The following CDKN2B-AS1 variants were observed in gnomAD, a reference collection of about 807,000 sequenced individuals.
CDKN2B-AS1 encodes CDKN2B antisense RNA 1 (non-protein coding).
At chr9:22,056,816 T>C (rs1031676572) in intron 4 of CDKN2B-AS1, among the ~76,000 whole-genome samples, 2 of 152,220 alleles carry the variant, frequency 1.3e-5, no homozygotes, top group Admixed American at 1.3e-4. Flanking sequence ...CCGGATTGTA[T>C]ATAAAACTGT....
At chr9:22,121,659 T>C (rs1477747748) in intron 4 of CDKN2B-AS1, among the ~76,000 whole-genome samples, 1 of 152,094 alleles carries the variant, frequency 6.6e-6, no homozygotes, top group South Asian at 2.1e-4. Flanking sequence ...CGGTGTTTAG[T>C]AGGAAATTTC....
At chr9:22,040,955 C>T (rs1421273914) in intron 1 of CDKN2B-AS1, among the ~76,000 whole-genome samples, 1 of 151,994 alleles carries the variant, frequency 6.6e-6, no homozygotes. Context: ...TTTCTCATCT[C>T]AACCCAGCAT....
At chr9:22,007,682 C>T (rs1030210194) in intron 1 of CDKN2B-AS1, among the ~76,000 whole-genome samples, 1 of 151,790 alleles carries the variant, frequency 6.6e-6, no homozygotes, top group Non-Finnish European at 1.5e-5. Flanking sequence ...TCTTAAAAAC[C>T]GTGATAAGTT....
At chr9:22,012,189 C>T in intron 1 of CDKN2B-AS1, 2 of 1,391,878 alleles carry the variant, frequency 1.4e-6, no homozygotes, top group South Asian at 2.3e-5. Context: ...ACGGGCAAGA[C>T]CATCACCCTT....
At chr9:22,121,100 G>T (rs1381914525) in intron 4 of CDKN2B-AS1, 1 of 151,934 alleles carries the variant, frequency 6.6e-6, no homozygotes, top group Non-Finnish European at 1.5e-5. Context: ...AATAAAAACA[G>T]CTCTCTTTTC....
At chr9:22,082,126 A>G (rs1298894338) in intron 4 of CDKN2B-AS1, among the ~76,000 whole-genome samples, 1 of 152,190 alleles carries the variant, frequency 6.6e-6, no homozygotes, top group African/African-American at 2.4e-5. Context: ...ATTTTAATTC[A>G]CAAGATTAAT....
At chr9:22,010,652 C>T (rs969565950) in intron 1 of CDKN2B-AS1, among the ~76,000 whole-genome samples, 1 of 152,154 alleles carries the variant, frequency 6.6e-6, no homozygotes, top group African/African-American at 2.4e-5. Flanking sequence ...CTGACAGAGC[C>T]TCAACAGAGC....
chr9:22,125,462 A>G (rs1388560088), intron 4 of CDKN2B-AS1, among the ~76,000 whole-genome samples: 1 of 152,176 alleles, frequency 6.6e-6, no homozygotes, highest in African/African-American at 2.4e-5. Context: ...TATGGTCACT[A>G]CCCTACTGTC....
Position 22,005,305 on chromosome 9 carries a change from T to G in CDKN2B-AS1, n.29+10144T>G. ...GCTCTGCAGCGTCGTGATCCAGGGA[T>G]TTTAGCATCTGTCGTCGCTTGCACA... is the stretch of plus-strand genomic sequence containing the variant. On this transcript the variant is annotated intron_variant and non_coding_transcript_variant, in intron 1 of 4. Transcript: ENST00000650946. This position sits in a 1 kb window ranked among gnomAD's most constrained non-coding sequence, Gnocchi z 4.9. The G allele has an allele frequency of 4.2e-6, 1 of 237,722 alleles. No homozygotes were observed. The highest frequency in any genetic ancestry group is 8.3e-6 in the Non-Finnish European group (1 of 120,864). 14.7% of individuals were successfully genotyped at this position (237,722 alleles called of 1,614,324 possible).
chr9:22,051,199 G>T (rs1364322226), intron 3 of CDKN2B-AS1, among the ~76,000 whole-genome samples: 2 of 152,118 alleles, frequency 1.3e-5, no homozygotes, highest in African/African-American at 4.8e-5. Flanking sequence ...AGCTGAAAAT[G>T]AAAGAGACAT....
At chr9:22,122,610 A>G (rs756866891) in intron 4 of CDKN2B-AS1, among the ~76,000 whole-genome samples, 2 of 152,176 alleles carry the variant, frequency 1.3e-5, no homozygotes, top group African/African-American at 4.8e-5. Context: ...ATTCTTCTGC[A>G]TATAGATATC....
chr9:22,010,474 G>A (rs992246355), intron 1 of CDKN2B-AS1, among the ~76,000 whole-genome samples: 4 of 152,082 alleles, frequency 2.6e-5, no homozygotes, highest in African/African-American at 9.7e-5. Context: ...TTAACAGGAG[G>A]GCAATTGCTT....
At position 21,997,555 on chromosome 9, in the gene CDKN2B-AS1, G is replaced by T. The variant is rs1017523183; in HGVS notation, n.29+2394G>T. The stretch of plus-strand genomic sequence containing the variant: ...TTAAGGAATTGTCTCAGAAAATGGT[G>T]GGGGTTGACAAATTGGAGACCCAGG... On this transcript the variant is annotated intron_variant and non_coding_transcript_variant, in intron 1 of 4. Transcript: ENST00000650946. The surrounding 1 kb of genome is among the most constrained non-coding windows in gnomAD (Gnocchi z 4.8). Among the ~76,000 whole-genome samples, 1 of 152,110 alleles carries T rather than the reference G, an allele frequency of 6.6e-6. No individual in the cohort carries two copies. Among genetic ancestry groups the T allele is most frequent in the African/African-American group, 2.4e-5 (1 of 41,418 alleles).
chr9:22,058,014 GGCT>G lies in CDKN2B-AS1; in HGVS notation n.438+1629_438+1631del, dbSNP rs1823644952. Reference sequence around the variant, plus strand: ...CACCTGTAATCCCAGCTACTGGGGAGGCTGAGGCAGGAGATTTGCTTGAAAAAA... The same window carrying G: ...CACCTGTAATCCCAGCTACTGGGGAGGAGGCAGGAGATTTGCTTGAAAAAA... On this transcript the variant is annotated intron_variant and non_coding_transcript_variant, in intron 4 of 4. Coordinates refer to ENST00000650946, the Ensembl canonical transcript of CDKN2B-AS1. 4.9e-5 allele frequency among the ~76,000 whole-genome samples: 7 copies of G among 141,420 alleles called. No individual in the cohort carries two copies. In the East Asian group the frequency reaches 9.3e-4, roughly 19 times the overall value. The allele number at this position is 141,420 out of a possible 152,430, so 92.8% of individuals were successfully genotyped here. A position where few individuals can be genotyped will look rare whatever the true frequency, so the allele number is the denominator to read the frequency against.
intron 4 of CDKN2B-AS1, among the ~76,000 whole-genome samples, chr9:22,115,580 G>T (rs1825928109): frequency 1.3e-5 from 2 of 152,114 alleles, no homozygotes; most frequent in South Asian, 4.1e-4. Flanking sequence ...TTTTCACTCT[G>T]CTTCACTTAA....
Position 22,083,929 on chromosome 9 carries a change from C to G in CDKN2B-AS1, n.438+27542C>G, listed in dbSNP as rs72652408. ...TATTACATGGAATTTTCAAAATACT[C>G]AAAACTTCAGTTTTCCCTCAATAAT... On this transcript the variant is annotated intron_variant and non_coding_transcript_variant, in intron 4 of 4. Transcript: ENST00000650946. 2.3e-3 allele frequency among the ~76,000 whole-genome samples: 344 copies of G among 152,254 alleles called. 3 individuals carry two copies. Among genetic ancestry groups the G allele is most frequent in the Admixed American group, 4.4e-3 (68 of 15,292 alleles).
chr9:22,124,601 C>T (rs1817989967), intron 4 of CDKN2B-AS1, among the ~76,000 whole-genome samples: 1 of 152,190 alleles, frequency 6.6e-6, no homozygotes, highest in Non-Finnish European at 1.5e-5. Context: ...AGTAATTTCT[C>T]ATCACTTAAC....
chr9:22,058,603 A>G (rs1185588354), intron 4 of CDKN2B-AS1: 1 of 152,242 alleles, frequency 6.6e-6, no homozygotes, highest in Non-Finnish European at 1.5e-5. Context: ...GTAACAAACA[A>G]CCTCAAAATC....
intron 1 of CDKN2B-AS1, chr9:22,008,709 T>A: frequency 1.9e-6 from 3 of 1,611,534 alleles, no homozygotes; most frequent in Non-Finnish European, 2.5e-6. Flanking sequence ...CAAATCTACA[T>A]CGGCGATCTA....
Sources: allele counts gnomAD v4.1 joint callset (sites outside exome capture counted in the v4.1 genomes callset), GRCh38; gene constraint gnomAD v4.1.1; non-coding constraint Gnocchi (gnomAD v3.1); transcripts MANE v1.5; gene names NCBI Gene and HGNC (gene_info 2026-07-23, HGNC 2026-07-21).